Variants in NCKAP1L observed in about 807,000 individuals in gnomAD.
The protein encoded by NCKAP1L is nck-associated protein 1-like.
A neutral mutation model predicts 139.2 loss-of-function variants in NCKAP1L; 53 were observed. The ratio of observed to expected loss-of-function variants is 0.38; its 90% CI spans 0.31 to 0.48. The LOEUF is 0.48. Among genes scored for constraint, NCKAP1L ranks in the 20% least tolerant of loss-of-function variants. The pLI is 0.98. For missense variants in NCKAP1L, 1,151 were observed against 1,381.9 expected (o/e 0.83, Z 2.65); for synonymous variants, 468 against 499.7 (o/e 0.94, Z 0.85).
At chr12:54,504,750 A>G (rs754682053) in intron 3 of NCKAP1L, among the ~76,000 whole-genome samples, 10 of 152,206 alleles carry the variant, frequency 6.6e-5, no homozygotes, top group Non-Finnish European at 1.5e-4. Context: ...TATCTATAAA[A>G]TGAGGAAATA....
rs199509600 is a variant in NCKAP1L, at chr12:54,535,150, G to A, written c.2909G>A (p.Cys970Tyr). The stretch of plus-strand genomic sequence containing the variant: ...CTGGCATCTGCTGCAGGTGTGGGCT[G>A]TGACATTGACCCAGCCTTGGTGGCT... ...FELASAAGVGCDIDPALVAAI... is the reference protein window; with the variant it reads ...FELASAAGVGYDIDPALVAAI... Residue 970 changes from cysteine to tyrosine, a missense_variant, in exon 27 of 31, where the codon TGT becomes TAT. Cys to Tyr is a radical substitution (Grantham distance 194). Coordinates refer to ENST00000293373, the MANE Select transcript of NCKAP1L (RefSeq NM_005337.5). 4 of 1,613,764 alleles carry A rather than the reference G, an allele frequency of 2.5e-6. No individual in the cohort carries two copies. The highest frequency in any genetic ancestry group is 8.5e-7 in the Non-Finnish European group (1 of 1,179,812).
intron 5 of NCKAP1L, among the ~76,000 whole-genome samples, chr12:54,509,159 C>T (rs1434869029): frequency 2.0e-5 from 3 of 152,140 alleles, no homozygotes; most frequent in Non-Finnish European, 4.4e-5. Flanking sequence ...GTCTGCAGTT[C>T]TGTCCCCCTC....
At chr12:54,531,949 G>A (rs1957075359) in intron 25 of NCKAP1L, 124 bp downstream of exon 25, 2 of 873,492 alleles carry the variant, frequency 2.3e-6, no homozygotes, top group Admixed American at 2.6e-5. Flanking sequence ...GGGTTGGTGA[G>A]CATTGAGAAG....
At chr12:54,528,715 T>A (rs1244489541) in intron 22 of NCKAP1L, among the ~76,000 whole-genome samples, 1 of 151,452 alleles carries the variant, frequency 6.6e-6, no homozygotes. Context: ...AACCTGCGCC[T>A]CCCGGGTTCA....
In NCKAP1L at chr12:54,509,905, G is replaced by T. The variant is rs373636188; in HGVS notation, c.655G>T (p.Ala219Ser). 6.2e-7 allele frequency: 1 copy of T among 1,614,208 alleles called. No homozygotes were observed. The highest frequency in any genetic ancestry group is 1.1e-5 in the South Asian group (1 of 91,078). Residue 219 changes from alanine to serine, a missense_variant, in exon 7 of 31, where the codon GCT (alanine) becomes TCT (serine). Coordinates refer to ENST00000293373, the MANE Select transcript of NCKAP1L (RefSeq NM_005337.5). ...HFLFVRRNQG[A>S]EQWRSAQLLS... The stretch of plus-strand genomic sequence containing the variant: ...CCTCTTTGTCCGAAGAAACCAGGGG[G>T]CTGAGCAGTGGCGCAGTGCCCAACT...
intron 30 of NCKAP1L, among the ~76,000 whole-genome samples, chr12:54,541,229 G>A (rs980939936): frequency 1.3e-5 from 2 of 152,230 alleles, no homozygotes; most frequent in African/African-American, 4.8e-5. Flanking sequence ...CTGAAGAATA[G>A]GGAGGGAAAG....
chr12:54,501,750 C>T (rs1956799661), intron 3 of NCKAP1L, among the ~76,000 whole-genome samples: 1 of 152,180 alleles, frequency 6.6e-6, no homozygotes, highest in African/African-American at 2.4e-5. Context: ...AAGCTATCCA[C>T]CCACCTCGGC....
In NCKAP1L at chr12:54,544,995, C is replaced by G. The variant is rs1321408357; in HGVS notation, c.*2310C>G. ...GCTGAGTGACAGAGCGAGACTCTGTCTCAAAAAATAAATAATAATTTAAAA... is the reference window on the plus strand; with the variant it reads ...GCTGAGTGACAGAGCGAGACTCTGTGTCAAAAAATAAATAATAATTTAAAA... On this transcript the variant is annotated 3_prime_UTR_variant, in exon 31 of 31. Transcript: ENST00000293373. 1 of 152,062 alleles carries G rather than the reference C, an allele frequency of 6.6e-6. No individual in the cohort carries two copies. Among genetic ancestry groups the G allele is most frequent in the Non-Finnish European group, 1.5e-5 (1 of 68,018 alleles). 9.4% of individuals were successfully genotyped at this position (152,062 alleles called of 1,614,324 possible).
chr12:54,518,681 A>G lies in NCKAP1L; in HGVS notation c.1369A>G (p.Ile457Val). The change falls in exon 14 of 31, where the codon ATC becomes GTC. Residue 457 changes from isoleucine (I) to valine (V), a missense_variant. Physicochemically the swap from Ile to Val is conservative, Grantham distance 29. Coordinates refer to ENST00000293373, the MANE Select transcript of NCKAP1L (RefSeq NM_005337.5). ...GTCTGTGTGTCCAGAGGAGGAGTCC[A>G]TCATCATGTCCTCATTCGTCAGTAT... is the stretch of plus-strand genomic sequence containing the variant. The part of the protein sequence containing the change: ...NLSVCPEEES[I>V]IMSSFVSILS... The G allele has an allele frequency of 6.2e-7, 1 of 1,614,144 alleles. No individual in the cohort carries two copies. The highest frequency in any genetic ancestry group is 1.1e-5 in the South Asian group (1 of 91,078).
chr12:54,517,840 A>G lies in NCKAP1L; in HGVS notation c.1240A>G (p.Ile414Val). Residue 414 changes from isoleucine to valine, a missense_variant, in exon 13 of 31, where the codon ATT (isoleucine) becomes GTT (valine). By Grantham distance (29) the Ile-to-Val change is conservative (BLOSUM62 3). Transcript: ENST00000293373. ...IAELLFLLEGIRSLVRRHIKV... is the reference protein window; with the variant it reads ...IAELLFLLEGVRSLVRRHIKV... ...AGAGCTACTTTTCTTGTTGGAGGGG[A>G]TTAGGTCTCTGGTCCGAAGACACAT... The G allele has an allele frequency of 6.2e-7, 1 of 1,614,052 alleles. No individual in the cohort carries two copies. Among genetic ancestry groups the G allele is most frequent in the Non-Finnish European group, 8.5e-7 (1 of 1,180,006 alleles).
intron 15 of NCKAP1L, 91 bp downstream of exon 15, chr12:54,519,063 G>A: frequency 1.3e-6 from 2 of 1,553,164 alleles, no homozygotes; most frequent in South Asian, 2.2e-5. Context: ...TTGCTTTATG[G>A]AGTGAGTCAA....
intron 9 of NCKAP1L, among the ~76,000 whole-genome samples, chr12:54,513,213 C>T (rs1315535957): frequency 5.3e-5 from 8 of 152,100 alleles, no homozygotes; most frequent in Non-Finnish European, 7.4e-5. Context: ...AGGATGATGT[C>T]GAGGTTTCTG....
chr12:54,500,121 CTTTTCTTTT>C (rs1316700585), intron 2 of NCKAP1L, among the ~76,000 whole-genome samples: 667 of 64,682 alleles, frequency 0.01, 7 homozygotes, highest in African/African-American at 0.045. Flanking sequence ...TTTTTCTTTT[CTTTTCTTTT>C]TTTTTTTTTT....
intron 26 of NCKAP1L, among the ~76,000 whole-genome samples, chr12:54,532,941 T>C (rs1426310629): frequency 1.3e-5 from 2 of 152,248 alleles, no homozygotes; most frequent in Non-Finnish European, 2.9e-5. Flanking sequence ...GCTCCTTCTC[T>C]TATAATTGAT....
rs1315216495 is a variant in NCKAP1L, at chr12:54,543,325, C to T, written c.*640C>T. The T allele has an allele frequency of 6.6e-6, 1 of 152,230 alleles. No individual in the cohort carries two copies. Among genetic ancestry groups the T allele is most frequent in the African/African-American group, 2.4e-5 (1 of 41,414 alleles). 9.4% of individuals were successfully genotyped at this position (152,230 alleles called of 1,614,324 possible). A position where few individuals can be genotyped will look rare whatever the true frequency, so the allele number is the denominator to read the frequency against. On this transcript the variant is annotated 3_prime_UTR_variant, in exon 31 of 31. Transcript: ENST00000293373. ...CCTACTGGGGCAAGGAGGAAGTGCC[C>T]TTCAGAGATGTTCACTGCCCACCTA...
chr12:54,529,725 A>T (rs377130788), intron 22 of NCKAP1L, among the ~76,000 whole-genome samples: 42 of 152,302 alleles, frequency 2.8e-4, no homozygotes, highest in African/African-American at 1.0e-3. Context: ...AAGCAGCAGG[A>T]GGTAATGCTG....
At position 54,519,192 on chromosome 12, in the gene NCKAP1L, C is replaced by T; in HGVS notation, c.1485C>T (p.Tyr495=). 6.4e-7 allele frequency: 1 copy of T among 1,563,350 alleles called. No individual in the cohort carries two copies. Among genetic ancestry groups the T allele is most frequent in the Non-Finnish European group, 8.6e-7 (1 of 1,162,580 alleles). ...TTTCCCAACTCCAACCGCAGGCATA[C>T]ACTAGCGTGGCTAAGGCCCCTCTGC... ...LRLDWFRLQA[Y]TSVAKAPLHL... is the part of the protein sequence containing the mutation. The change falls in exon 16 of 31, where the codon TAC becomes TAT. Residue 495 remains tyrosine (Y), a synonymous_variant. Coordinates refer to ENST00000293373, the MANE Select transcript of NCKAP1L (RefSeq NM_005337.5).
At chr12:54,498,851 T>C in intron 1 of NCKAP1L, 1 of 982,596 alleles carries the variant, frequency 1.0e-6, no homozygotes, top group Non-Finnish European at 1.2e-6. Flanking sequence ...TATTTCGCTC[T>C]TAGATACTTG....
chr12:54,528,154 G>A, intron 21 of NCKAP1L, 93 bp from the exon 22 acceptor site: 3 of 1,479,102 alleles, frequency 2.0e-6, no homozygotes, highest in Non-Finnish European at 9.1e-7. Context: ...CTTTTGCAGA[G>A]TTTTTCTTTC....
Sources: allele counts gnomAD v4.1 joint callset (sites outside exome capture counted in the v4.1 genomes callset), GRCh38; gene constraint gnomAD v4.1.1; transcripts MANE v1.5; gene names NCBI Gene and HGNC (gene_info 2026-07-23, HGNC 2026-07-21).